Variants in ADCK2 observed in about 807,000 individuals in gnomAD.
ADCK2 encodes uncharacterized aarF domain-containing protein kinase 2.
In ADCK2, 37 loss-of-function variants were observed where a neutral mutation model predicts 52.3. The ratio of observed to expected loss-of-function variants is 0.71; its 90% CI spans 0.54 to 0.93. ADCK2 has a LOEUF of 0.93. Ranked by LOEUF, ADCK2 falls within the 40% of genes least tolerant of loss-of-function variation. The probability of loss-of-function intolerance (pLI) is 0.00; values close to 1 mark genes in which losing one functional copy is unlikely to be tolerated. For synonymous variants in ADCK2, 321 were observed against 349.2 expected (o/e 0.92, Z 0.90); for missense variants, 695 against 798.7 (o/e 0.87, Z 1.56).
At position 140,678,454 on chromosome 7, in the gene ADCK2, T is replaced by C. The variant is rs1794459641; in HGVS notation, c.1081-701T>C. ...AGGCGCCGGCTGAGGGCTTGGTGGCTGTCAAGGGGACACACACGCTCACTT... is the reference window on the plus strand; with the variant it reads ...AGGCGCCGGCTGAGGGCTTGGTGGCCGTCAAGGGGACACACACGCTCACTT... On this transcript the variant is annotated intron_variant, in intron 2 of 7. Coordinates refer to ENST00000072869, the MANE Select transcript of ADCK2 (RefSeq NM_052853.4). The surrounding 1 kb of genome is among the most constrained non-coding windows in gnomAD (Gnocchi z 4.9). 6.6e-6 allele frequency among the ~76,000 whole-genome samples: 1 copy of C among 152,044 alleles called. No homozygotes were observed. The highest frequency in any genetic ancestry group is 6.5e-5 in the Admixed American group (1 of 15,272).
At position 140,679,237 on chromosome 7, in the gene ADCK2, C is replaced by A; in HGVS notation, c.1163C>A (p.Pro388His). The change falls in exon 3 of 8, where the codon CCT (proline) becomes CAT (histidine). Residue 388 changes from proline (P) to histidine (H), a missense_variant. By Grantham distance (77) the Pro-to-His change is moderately conservative (BLOSUM62 -2). Coordinates refer to ENST00000072869, the MANE Select transcript of ADCK2 (RefSeq NM_052853.4). ...GTGAAAGCCGTCAAGTTCCCCACCC[C>A]TCTGCGCCCCTTTGTCACCAGAGAA... ...RNVKAVKFPT[P>H]LRPFVTREVL... The A allele has an allele frequency of 3.1e-6, 5 of 1,614,184 alleles. No individual in the cohort carries two copies. Among genetic ancestry groups the A allele is most frequent in the Non-Finnish European group, 4.2e-6 (5 of 1,180,026 alleles).
chr7:140,679,569 A>C (rs1794480161), intron 3 of ADCK2, among the ~76,000 whole-genome samples: 1 of 152,016 alleles, frequency 6.6e-6, no homozygotes, highest in Non-Finnish European at 1.5e-5. Flanking sequence ...CACTGAATGC[A>C]AAACAAGGAG....
Position 140,673,355 on chromosome 7 carries a change from G to T in ADCK2, c.25G>T (p.Val9Phe), listed in dbSNP as rs767719347. ...GATGGTGGCGCCCTGGCGCGTCTCC[G>T]TCAGGGTTTGCCTGTCGCACCTGAG... MVAPWRVS[V>F]RVCLSHLRCF... The change falls in exon 1 of 8, where the codon GTC becomes TTC. Residue 9 changes from valine to phenylalanine, a missense_variant. Coordinates refer to ENST00000072869, the MANE Select transcript of ADCK2 (RefSeq NM_052853.4). The surrounding 1 kb of genome is among the most constrained non-coding windows in gnomAD (Gnocchi z 6.4). 6.8e-7 allele frequency: 1 copy of T among 1,475,910 alleles called. No homozygotes were observed. Among genetic ancestry groups the T allele is most frequent in the Non-Finnish European group, 9.0e-7 (1 of 1,111,870 alleles). 91.4% of individuals were successfully genotyped at this position (1,475,910 alleles called of 1,614,324 possible).
Position 140,673,870 on chromosome 7 carries a change from TCA to T in ADCK2, c.544_545del (p.Thr182Ter), listed in dbSNP as rs775171897. 2 of 1,614,070 alleles carry T rather than the reference TCA, an allele frequency of 1.2e-6. No individual in the cohort carries two copies. The highest frequency in any genetic ancestry group is 1.7e-6 in the Non-Finnish European group (2 of 1,180,044). ...HVRVTPHPWT[H>X]TERFLRQAFG... is the part of the protein sequence containing the mutation. The stretch of plus-strand genomic sequence containing the variant: ...TCCGAGTGACGCCCCACCCGTGGAC[TCA>T]CACTGAGCGCTTCCTTCGGCAGGCT... On this transcript the variant is annotated frameshift_variant, in exon 1 of 8. Coordinates refer to ENST00000072869, the MANE Select transcript of ADCK2 (RefSeq NM_052853.4). LOFTEE classifies it high-confidence loss of function. The surrounding 1 kb of genome is among the most constrained non-coding windows in gnomAD (Gnocchi z 6.4).
rs57302302 is a variant in ADCK2, at chr7:140,679,662, C to CTTT, written c.1209+405_1209+407dup. Among the ~76,000 whole-genome samples the CTTT allele has an allele frequency of 2.2e-3, 168 of 75,376 alleles. 15 individuals carry two copies. Among genetic ancestry groups the CTTT allele is most frequent in the African/African-American group, 5.2e-3 (114 of 21,992 alleles). 49.4% of individuals were successfully genotyped at this position (75,376 alleles called of 152,430 possible). On this transcript the variant is annotated intron_variant, in intron 3 of 7. Coordinates refer to ENST00000072869, the MANE Select transcript of ADCK2 (RefSeq NM_052853.4). ...TCTACTCTAGTTCAGCCTTCTCTCT[C>CTTT]TTTTTTTTTTTTTTTTTTTTTTTTT...
rs1794357936 is a variant in ADCK2 at position 140,674,474 on chromosome 7, G to C, written c.934-137G>C. The stretch of plus-strand genomic sequence containing the variant: ...GAACTGAGTCTGGAGTGAACTAACT[G>C]CTTGGGTGTCGGGACCACATCCTCT... On this transcript the variant is annotated intron_variant, in intron 1 of 7. Coordinates refer to ENST00000072869, the MANE Select transcript of ADCK2 (RefSeq NM_052853.4). This position sits in a 1 kb window ranked among gnomAD's most constrained non-coding sequence, Gnocchi z 4.6. The C allele has an allele frequency of 8.4e-7, 1 of 1,194,034 alleles. No individual in the cohort carries two copies. Among genetic ancestry groups the C allele is most frequent in the Non-Finnish European group, 1.1e-6 (1 of 872,842 alleles). 74.0% of individuals were successfully genotyped at this position (1,194,034 alleles called of 1,614,324 possible).
chr7:140,681,322 ATT>A (rs752193275), intron 4 of ADCK2, among the ~76,000 whole-genome samples, 185 bp downstream of exon 4: 3 of 142,898 alleles, frequency 2.1e-5, no homozygotes, highest in Non-Finnish European at 1.5e-5. Flanking sequence ...AAGCTCTTTT[ATT>A]TTTTTTTTTT....
At chr7:140,681,463 G>A (rs950725763) in intron 4 of ADCK2, among the ~76,000 whole-genome samples, 5 of 151,442 alleles carry the variant, frequency 3.3e-5, no homozygotes, top group African/African-American at 4.9e-5. Context: ...GACTACAGGC[G>A]CCCGCCACCA....
chr7:140,686,892 A>G, intron 4 of ADCK2, 98 bp from the exon 5 acceptor site: 2 of 1,493,150 alleles, frequency 1.3e-6, no homozygotes, highest in Non-Finnish European at 1.8e-6. Flanking sequence ...GCTGTGATAG[A>G]GTGCTGGGAG....
rs1328058841 is a variant in ADCK2 at position 140,674,784 on chromosome 7, A to G, written c.1080+27A>G. The G allele has an allele frequency of 3.7e-5, 59 of 1,608,164 alleles. No individual in the cohort carries two copies. In the East Asian group the frequency reaches 1.3e-3, roughly 35 times the overall value. On this transcript the variant is annotated intron_variant, in intron 2 of 7. Transcript: ENST00000072869. This position sits in a 1 kb window ranked among gnomAD's most constrained non-coding sequence, Gnocchi z 4.6. ...TGAGTTCTCCTCCCCTCAGCTGTAA[A>G]TAGCACCTAACATAGTTCTTGCCAT... is the stretch of plus-strand genomic sequence containing the variant.
intron 3 of ADCK2, among the ~76,000 whole-genome samples, chr7:140,679,660 CTCTT>C (rs1186682551): frequency 8.8e-5 from 12 of 136,038 alleles, no homozygotes; most frequent in Admixed American, 4.6e-4. Flanking sequence ...AGCCTTCTCT[CTCTT>C]TTTTTTTTTT....
chr7:140,687,071 C>A lies in ADCK2; in HGVS notation c.1387C>A (p.Gln463Lys). Reference protein sequence around the residue: ...VQGANGLSSSQEAQLQQADIC... With the variant: ...VQGANGLSSSKEAQLQQADIC... ...GGGTGCCAACGGCCTGTCCTCGAGT[C>A]AGGAGGCGCAGCTGCAGCAGGCGGA... is the stretch of plus-strand genomic sequence containing the variant. The change falls in exon 5 of 8, where the codon CAG (glutamine) becomes AAG (lysine). Residue 463 changes from glutamine (Q) to lysine (K), a missense_variant. Coordinates refer to ENST00000072869, the MANE Select transcript of ADCK2 (RefSeq NM_052853.4). 2 of 1,614,026 alleles carry A rather than the reference C, an allele frequency of 1.2e-6. No homozygotes were observed. Among genetic ancestry groups the A allele is most frequent in the Non-Finnish European group, 1.7e-6 (2 of 1,180,028 alleles).
rs191566354 is a variant in ADCK2, at chr7:140,677,308, T to C, written c.1081-1847T>C. Among the ~76,000 whole-genome samples, 144 of 151,846 alleles carry C rather than the reference T, an allele frequency of 9.5e-4. 1 individual carries two copies. The highest frequency in any genetic ancestry group is 3.3e-3 in the African/African-American group (135 of 41,370). On this transcript the variant is annotated intron_variant, in intron 2 of 7. Coordinates refer to ENST00000072869, the MANE Select transcript of ADCK2 (RefSeq NM_052853.4). The stretch of plus-strand genomic sequence containing the variant: ...TTGTAATCCCAGCTACTCGAGAGGC[T>C]GAGGCAGGAGAATCGCTTGAACCCA...
Position 140,678,175 on chromosome 7 carries a change from G to T in ADCK2, c.1081-980G>T, listed in dbSNP as rs1448687410. Among the ~76,000 whole-genome samples the T allele has an allele frequency of 1.3e-5, 2 of 152,196 alleles. No homozygotes were observed. Among genetic ancestry groups the T allele is most frequent in the Non-Finnish European group, 2.9e-5 (2 of 68,028 alleles). On this transcript the variant is annotated intron_variant, in intron 2 of 7. Transcript: ENST00000072869. This position sits in a 1 kb window ranked among gnomAD's most constrained non-coding sequence, Gnocchi z 4.9. ...CCTTGGGAGTGGCATTGGGGGACAG[G>T]GACTGATCTGAGGGCGGTGAGGCTG...
At chr7:140,683,663 C>T (rs759121265) in intron 4 of ADCK2, among the ~76,000 whole-genome samples, 3 of 152,192 alleles carry the variant, frequency 2.0e-5, no homozygotes, top group Non-Finnish European at 2.9e-5. Context: ...CTTTGTTTCA[C>T]AAAGGCCAGA....
chr7:140,683,358 C>G (rs1197603067), intron 4 of ADCK2, among the ~76,000 whole-genome samples: 1 of 152,164 alleles, frequency 6.6e-6, no homozygotes, highest in Non-Finnish European at 1.5e-5. Context: ...ATGTCACAAC[C>G]TCATGTCCAC....
chr7:140,673,177 C>T lies in ADCK2; in HGVS notation c.-154C>T. On this transcript the variant is annotated 5_prime_UTR_variant, in exon 1 of 8. Coordinates refer to ENST00000072869, the MANE Select transcript of ADCK2 (RefSeq NM_052853.4). The surrounding 1 kb of genome is among the most constrained non-coding windows in gnomAD (Gnocchi z 6.4). ...GGGCGCGGGCCTCCGGCCTGAGGCC[C>T]GGCGAGGTGCTGGAGGGAGCGGGGC... 4.0e-6 allele frequency: 2 copies of T among 502,712 alleles called. No individual in the cohort carries two copies. Among genetic ancestry groups the T allele is most frequent in the Non-Finnish European group, 6.1e-6 (2 of 325,554 alleles). 31.1% of individuals were successfully genotyped at this position (502,712 alleles called of 1,614,324 possible). A position where few individuals can be genotyped will look rare whatever the true frequency, so the allele number is the denominator to read the frequency against.
intron 7 of ADCK2, among the ~76,000 whole-genome samples, 181 bp downstream of exon 7, chr7:140,690,994 C>T (rs796730601): frequency 1.4e-4 from 22 of 152,088 alleles, no homozygotes; most frequent in African/African-American, 4.6e-4. Flanking sequence ...GGCGCGATCT[C>T]GGCTGACTGC....
Position 140,674,478 on chromosome 7 carries a change from G to T in ADCK2, c.934-133G>T. The stretch of plus-strand genomic sequence containing the variant: ...TGAGTCTGGAGTGAACTAACTGCTT[G>T]GGTGTCGGGACCACATCCTCTTTTC... On this transcript the variant is annotated intron_variant, in intron 1 of 7. Coordinates refer to ENST00000072869, the MANE Select transcript of ADCK2 (RefSeq NM_052853.4). The surrounding 1 kb of genome is among the most constrained non-coding windows in gnomAD (Gnocchi z 4.6). 1 of 1,207,796 alleles carries T rather than the reference G, an allele frequency of 8.3e-7. No homozygotes were observed. Among genetic ancestry groups the T allele is most frequent in the Non-Finnish European group, 1.1e-6 (1 of 884,078 alleles). The allele number at this position is 1,207,796 out of a possible 1,614,324, so 74.8% of individuals were successfully genotyped here. A position where few individuals can be genotyped will look rare whatever the true frequency, so the allele number is the denominator to read the frequency against.
Sources: gnomAD v4.1 joint callset for allele counts (sites outside exome capture counted in the v4.1 genomes callset) on GRCh38, gnomAD v4.1.1 for gene constraint, Gnocchi (gnomAD v3.1) non-coding constraint, MANE v1.5 for transcripts, NCBI Gene and HGNC (gene_info 2026-07-23, HGNC 2026-07-21) for gene names.